HEATR5A: variants seen among roughly 807,000 people sequenced by gnomAD.
The protein encoded by HEATR5A is HEAT repeat-containing protein 5A.
A neutral mutation model predicts 218.8 loss-of-function variants in HEATR5A; 178 were observed. The observed-to-expected ratio is 0.81, with a 90% CI of 0.72 to 0.92. The LOEUF (loss-of-function observed/expected upper bound fraction) is 0.92, where lower values mean the gene tolerates loss of function less well. Ranked by LOEUF, HEATR5A falls within the 40% of genes least tolerant of loss-of-function variation. The probability of loss-of-function intolerance (pLI) is 0.00; values close to 1 mark genes in which losing one functional copy is unlikely to be tolerated. For missense variants in HEATR5A, 2,420 were observed against 2,418.9 expected, an observed-to-expected ratio of 1.00 and a Z score of -0.01; for synonymous variants, 864 against 871.6, an observed-to-expected ratio of 0.99 and a Z score of 0.15.
chr14:31,344,938 G>GT (rs1280679682), intron 20 of HEATR5A, 149 bp downstream of exon 20: 1 of 643,690 alleles, frequency 1.6e-6, no homozygotes, highest in Non-Finnish European at 2.6e-6. Context: ...TCTTTTCAAG[G>GT]TAAGAGAAAT....
intron 20 of HEATR5A, among the ~76,000 whole-genome samples, chr14:31,344,452 A>AT (rs1900956935): frequency 6.6e-6 from 1 of 150,678 alleles, no homozygotes; most frequent in Admixed American, 6.6e-5. Context: ...CTAATTTTTC[A>AT]TATTTTTAGC....
At chr14:31,370,151 G>C (rs529064595) in intron 13 of HEATR5A, among the ~76,000 whole-genome samples, 1 of 151,838 alleles carries the variant, frequency 6.6e-6, no homozygotes, top group African/African-American at 2.4e-5. Context: ...GTGTGAACCC[G>C]GGAGGCGGAG....
chr14:31,380,584 T>A lies in HEATR5A; in HGVS notation c.1597-6A>T. 1 of 1,549,912 alleles carries A rather than the reference T, an allele frequency of 6.5e-7. No homozygotes were observed. Among genetic ancestry groups the A allele is most frequent in the Non-Finnish European group, 8.8e-7 (1 of 1,138,278 alleles). ...TCTGCTAATGTCATAATAATCTATT[T>A]ACATATAGAACAAGTTTTAAAAAAA... is the stretch of plus-strand genomic sequence containing the variant. On this transcript the variant is annotated splice_region_variant and splice_polypyrimidine_tract_variant and intron_variant, in intron 10 of 35. Coordinates refer to ENST00000543095, the MANE Select transcript of HEATR5A (RefSeq NM_015473.4).
At chr14:31,309,995 G>A (rs1002373495) in intron 28 of HEATR5A, among the ~76,000 whole-genome samples, 1 of 152,106 alleles carries the variant, frequency 6.6e-6, no homozygotes, top group Non-Finnish European at 1.5e-5. Context: ...GAGCCACCGC[G>A]CCTGGCCATT....
chr14:31,359,553 C>T (rs1362172452), intron 14 of HEATR5A, among the ~76,000 whole-genome samples: 5 of 150,694 alleles, frequency 3.3e-5, no homozygotes, highest in South Asian at 4.2e-4. Flanking sequence ...ATGGTGAAAC[C>T]CCATCTTTAG....
At chr14:31,348,192 C>T (rs1248654552) in intron 18 of HEATR5A, among the ~76,000 whole-genome samples, 1 of 152,046 alleles carries the variant, frequency 6.6e-6, no homozygotes. Flanking sequence ...TTAAGATAAG[C>T]ATTATTATTA....
intron 7 of HEATR5A, among the ~76,000 whole-genome samples, chr14:31,387,742 AG>A (rs1729900097): frequency 3.3e-5 from 5 of 152,088 alleles, no homozygotes; most frequent in Admixed American, 3.3e-4. Context: ...TTGTATTTTT[AG>A]TAGAGACGGG....
chr14:31,349,644 T>G, intron 18 of HEATR5A, 145 bp downstream of exon 18: 1 of 609,166 alleles, frequency 1.6e-6, no homozygotes, highest in Non-Finnish European at 2.8e-6. Flanking sequence ...AATTTTTATT[T>G]TCTTTCCTTT....
intron 22 of HEATR5A, among the ~76,000 whole-genome samples, chr14:31,330,895 C>T (rs1046607524): frequency 3.7e-4 from 56 of 151,110 alleles, no homozygotes; most frequent in Admixed American, 3.5e-3. Flanking sequence ...ATCACATCCT[C>T]AGGCTGCAAA....
At chr14:31,364,766 T>C (rs571313596) in intron 13 of HEATR5A, among the ~76,000 whole-genome samples, 1 of 152,166 alleles carries the variant, frequency 6.6e-6, no homozygotes, top group South Asian at 2.1e-4. Flanking sequence ...TTCATTTTCA[T>C]GTACTCTTCT....
intron 12 of HEATR5A, 129 bp from the exon 13 acceptor site, chr14:31,372,038 A>G: frequency 1.9e-6 from 1 of 517,988 alleles, no homozygotes; most frequent in Non-Finnish European, 3.5e-6. Context: ...AAAATTCTTG[A>G]AACTCTAGTA....
chr14:31,379,457 C>G (rs1229618728), intron 11 of HEATR5A, among the ~76,000 whole-genome samples: 1 of 151,962 alleles, frequency 6.6e-6, no homozygotes, highest in Non-Finnish European at 1.5e-5. Context: ...ACCTTGTTGG[C>G]CAGGCTGATC....
At chr14:31,364,915 C>T (rs1901747941) in intron 13 of HEATR5A, among the ~76,000 whole-genome samples, 1 of 152,104 alleles carries the variant, frequency 6.6e-6, no homozygotes, top group Non-Finnish European at 1.5e-5. Context: ...ACTCTGTTAC[C>T]CAGGTTGGAG....
chr14:31,364,015 T>TA (rs1456737917), intron 14 of HEATR5A, among the ~76,000 whole-genome samples, 174 bp downstream of exon 14: 1 of 152,194 alleles, frequency 6.6e-6, no homozygotes, highest in Non-Finnish European at 1.5e-5. Context: ...ATGTTTTTTT[T>TA]ACTATAAGAT....
intron 22 of HEATR5A, among the ~76,000 whole-genome samples, chr14:31,334,037 CAAAAA>C (rs58087742): frequency 1.1e-5 from 1 of 87,920 alleles, no homozygotes; most frequent in East Asian, 3.3e-4. Context: ...GACCCTGTCT[CAAAAA>C]AAAAAAAAAA....
chr14:31,373,962 T>A (rs1023559025), intron 12 of HEATR5A, among the ~76,000 whole-genome samples: 4 of 152,196 alleles, frequency 2.6e-5, no homozygotes, highest in Admixed American at 1.3e-4. Flanking sequence ...TAACACTTTT[T>A]CTTTTCTCTA....
rs182343215 is a variant in HEATR5A at position 31,414,753 on chromosome 14, C to T, written c.-75+5719G>A. ...TCTAATTGTTCATGTCTCTTACATCCCAGTTAGAATTCACAGATTCACCCT... is the reference window on the plus strand; with the variant it reads ...TCTAATTGTTCATGTCTCTTACATCTCAGTTAGAATTCACAGATTCACCCT... On this transcript the variant is annotated intron_variant, in intron 1 of 35. Coordinates refer to ENST00000543095, the MANE Select transcript of HEATR5A (RefSeq NM_015473.4). Among the ~76,000 whole-genome samples the T allele has an allele frequency of 2.3e-4, 35 of 152,278 alleles. No homozygotes were observed. In the East Asian group the frequency reaches 6.6e-3, roughly 29 times the overall value.
chr14:31,407,584 TTATATATATATATATATATATATA>T (rs1039144242), intron 1 of HEATR5A, among the ~76,000 whole-genome samples: 1 of 1,338 alleles, frequency 7.5e-4, no homozygotes, highest in African/African-American at 9.6e-4. Context: ...CTTATTTTAT[TTATATATATATATATATATATATA>T]TATATATATA....
At chr14:31,327,286 CTTTTT>C (rs71951930) in intron 22 of HEATR5A, among the ~76,000 whole-genome samples, 1 of 45,158 alleles carries the variant, frequency 2.2e-5, no homozygotes, top group Non-Finnish European at 4.2e-5. Context: ...TCCAGTGGCA[CTTTTT>C]TTTTTTTTTT....
Sources: allele counts gnomAD v4.1 joint callset (sites outside exome capture counted in the v4.1 genomes callset), GRCh38; gene constraint gnomAD v4.1.1; transcripts MANE v1.5; gene names NCBI Gene and HGNC (gene_info 2026-07-23, HGNC 2026-07-21).